The following TMPRSS15 variants were observed in gnomAD, a reference collection of about 807,000 sequenced individuals.
TMPRSS15 encodes the protein transmembrane serine protease 15.
Under a neutral mutation model 125.3 loss-of-function variants are expected in TMPRSS15, and 128 were observed. That is an observed-to-expected ratio of 1.02 (90% confidence interval 0.89 to 1.18). The LOEUF (loss-of-function observed/expected upper bound fraction) is 1.18, where lower values mean the gene tolerates loss of function less well. TMPRSS15 is among the 50% of genes most tolerant of loss of function. TMPRSS15 has a pLI of 0.00. For synonymous variants in TMPRSS15, 446 were observed against 423.2 expected (o/e 1.05, Z -0.66); for missense variants, 1,283 against 1,212.7 (o/e 1.06, Z -0.86).
intron 3 of TMPRSS15, among the ~76,000 whole-genome samples, chr21:18,396,463 G>T (rs1224692220): frequency 6.6e-6 from 1 of 152,074 alleles, no homozygotes; most frequent in African/African-American, 2.4e-5. Context: ...CAGTCATTTG[G>T]TGAGGAGTGA....
intron 22 of TMPRSS15, 26 bp from the exon 23 acceptor site, chr21:18,279,085 C>T (rs1027235066): frequency 1.4e-5 from 16 of 1,168,070 alleles, no homozygotes; most frequent in Non-Finnish European, 2.0e-5. Context: ...AACAGCAAAA[C>T]GAACAAACGA....
intron 1 of TMPRSS15, among the ~76,000 whole-genome samples, chr21:18,432,913 C>T (rs568956659): frequency 4.0e-5 from 6 of 151,646 alleles, no homozygotes; most frequent in South Asian, 2.1e-4. Context: ...TTTTCTTCTC[C>T]GAAAAAGTGG....
chr21:18,417,703 C>T lies in TMPRSS15; in HGVS notation c.11-19374G>A, dbSNP rs77490629. ...GATCTAGAAAATAAAATTAACTCTT[C>T]AGTGAAATGATCCAAATAGATTGCC... On this transcript the variant is annotated intron_variant, in intron 1 of 7. Transcript: ENST00000422787. Among the ~76,000 whole-genome samples the T allele has an allele frequency of 7.3e-3, 1,104 of 152,236 alleles. 19 individuals are homozygous for T. Among genetic ancestry groups the T allele is most frequent in the African/African-American group, 0.024 (1,003 of 41,542 alleles).
chr21:18,453,609 A>G (rs1023362264), intron 1 of TMPRSS15, among the ~76,000 whole-genome samples: 40 of 152,310 alleles, frequency 2.6e-4, no homozygotes, highest in African/African-American at 7.2e-4. Context: ...TCAAAAAATT[A>G]AAAATAGAAC....
At chr21:18,462,327 C>T (rs1441728655) in intron 1 of TMPRSS15, among the ~76,000 whole-genome samples, 3 of 151,944 alleles carry the variant, frequency 2.0e-5, no homozygotes, top group African/African-American at 2.4e-5. Context: ...TTCTACAAAT[C>T]GTTGCTACAT....
intron 5 of TMPRSS15, among the ~76,000 whole-genome samples, chr21:18,372,714 T>G (rs1297316905): frequency 1.3e-5 from 2 of 152,336 alleles, no homozygotes; most frequent in African/African-American, 4.8e-5. Flanking sequence ...TGAAGAAACC[T>G]AATAGCTATT....
At chr21:18,478,240 CA>C (rs1978916570) in intron 1 of TMPRSS15, among the ~76,000 whole-genome samples, 1 of 150,808 alleles carries the variant, frequency 6.6e-6, no homozygotes, top group East Asian at 1.9e-4. Flanking sequence ...ACTTAAATCT[CA>C]AATGAATCAT....
At position 18,296,664 on chromosome 21, in the gene TMPRSS15, A is replaced by G. The variant is rs186967961; in HGVS notation, c.2261+1070T>C. On this transcript the variant is annotated intron_variant, in intron 19 of 24. Coordinates refer to ENST00000284885, the MANE Select transcript of TMPRSS15 (RefSeq NM_002772.3). ...ATTTTTAAATGCCTCTAAGACGTGAAAAGAAGAAATTCTCAATGTTCAAAC... is the reference window on the plus strand; with the variant it reads ...ATTTTTAAATGCCTCTAAGACGTGAGAAGAAGAAATTCTCAATGTTCAAAC... Among the ~76,000 whole-genome samples, 118 of 152,308 alleles carry G rather than the reference A, an allele frequency of 7.7e-4. 1 individual carries two copies. The South Asian group carries it at 7.9e-3, about 10-fold the overall frequency.
intron 18 of TMPRSS15, among the ~76,000 whole-genome samples, chr21:18,309,278 A>T (rs2075069415): frequency 6.6e-6 from 1 of 152,172 alleles, no homozygotes; most frequent in African/African-American, 2.4e-5. Context: ...AAAGACTTAA[A>T]CGTAAGACCT....
At chr21:18,321,810 A>C (rs892354251) in intron 16 of TMPRSS15, among the ~76,000 whole-genome samples, 1 of 152,156 alleles carries the variant, frequency 6.6e-6, no homozygotes, top group African/African-American at 2.4e-5. Flanking sequence ...TGGGTATAAA[A>C]AATCTCGACG....
intron 22 of TMPRSS15, among the ~76,000 whole-genome samples, chr21:18,280,285 A>C (rs1601258764): frequency 2.0e-5 from 3 of 152,108 alleles, no homozygotes; most frequent in Admixed American, 2.0e-4. Context: ...TAAAAACTTC[A>C]TCCTATGAAG....
intron 1 of TMPRSS15, among the ~76,000 whole-genome samples, chr21:18,479,407 T>A (rs945436361): frequency 2.0e-5 from 3 of 151,958 alleles, no homozygotes; most frequent in African/African-American, 7.2e-5. Flanking sequence ...AGGCCATTGG[T>A]GATTAAAATT....
chr21:18,449,361 A>G (rs2076262553), intron 1 of TMPRSS15, among the ~76,000 whole-genome samples: 2 of 152,134 alleles, frequency 1.3e-5, no homozygotes, highest in African/African-American at 2.4e-5. Flanking sequence ...TTGAAGTTAC[A>G]TGTCAAGGTG....
intron 3 of TMPRSS15, among the ~76,000 whole-genome samples, chr21:18,384,532 G>A (rs1652225890): frequency 6.6e-6 from 1 of 152,020 alleles, no homozygotes; most frequent in African/African-American, 2.4e-5. Flanking sequence ...CTTTTTTTCA[G>A]TGTAAAGAAA....
chr21:18,375,142 A>G (rs188057879), intron 5 of TMPRSS15, among the ~76,000 whole-genome samples: 95 of 152,360 alleles, frequency 6.2e-4, no homozygotes, highest in Non-Finnish European at 3.5e-4. Flanking sequence ...ATGAGGAAAC[A>G]GAAGTTTTCT....
rs771466704 is a variant in TMPRSS15, at chr21:18,341,408, C to G, written c.1564+5G>C. The G allele has an allele frequency of 1.2e-6, 2 of 1,614,070 alleles. No homozygotes were observed. Among genetic ancestry groups the G allele is most frequent in the East Asian group, 4.5e-5 (2 of 44,878 alleles). ...TAAGACAAAATACACATGAAGGTTA[C>G]TTACTAGGAAGTTCTGGTGGAGGAG... On this transcript the variant is annotated splice_donor_5th_base_variant and intron_variant, in intron 13 of 24. Transcript: ENST00000284885.
At chr21:18,285,368 G>C (rs1209275712) in intron 21 of TMPRSS15, among the ~76,000 whole-genome samples, 1 of 152,174 alleles carries the variant, frequency 6.6e-6, no homozygotes, top group Non-Finnish European at 1.5e-5. Flanking sequence ...CTATGATAGA[G>C]CATCACAACA....
At chr21:18,467,154 C>T (rs1372559462) in intron 1 of TMPRSS15, among the ~76,000 whole-genome samples, 1 of 152,102 alleles carries the variant, frequency 6.6e-6, no homozygotes, top group East Asian at 1.9e-4. Flanking sequence ...CAAACTAACA[C>T]AGGAACAGAA....
At chr21:18,331,972 T>C in intron 14 of TMPRSS15, 112 bp downstream of exon 14, 1 of 840,448 alleles carries the variant, frequency 1.2e-6, no homozygotes, top group South Asian at 1.4e-5. Flanking sequence ...TAGGTAGACA[T>C]GATAGGCGTA....
Sources: allele counts gnomAD v4.1 joint callset (sites outside exome capture counted in the v4.1 genomes callset), GRCh38; gene constraint gnomAD v4.1.1; transcripts MANE v1.5; gene names NCBI Gene and HGNC (gene_info 2026-07-23, HGNC 2026-07-21).